Variants in PDZRN4 observed in about 807,000 individuals in gnomAD.
PDZRN4 encodes PDZ domain containing ring finger 4.
PDZRN4 carries 70 observed loss-of-function variants against 99.0 expected under a neutral mutation model. That is an observed-to-expected ratio of 0.71 (90% CI 0.58 to 0.86). The LOEUF (loss-of-function observed/expected upper bound fraction) is 0.86. PDZRN4 is among the 40% of genes least tolerant of loss of function. The probability of loss-of-function intolerance (pLI) is 0.00; values close to 1 mark genes in which losing one functional copy is unlikely to be tolerated. For missense variants in PDZRN4, 1,474 were observed against 1,331.2 expected, an observed-to-expected ratio of 1.11 and a Z score of -1.67; for synonymous variants, 551 against 501.6, an observed-to-expected ratio of 1.10 and a Z score of -1.32.
chr12:41,291,669 T>C (rs1248092764), intron 3 of PDZRN4, among the ~76,000 whole-genome samples: 1 of 152,160 alleles, frequency 6.6e-6, no homozygotes, highest in African/African-American at 2.4e-5. Context: ...GCCAGAACTA[T>C]GTGAGTCTTG....
rs1938211174 is a variant in PDZRN4 at position 41,506,637 on chromosome 12, A to G, written c.1025A>G (p.His342Arg). Reference protein sequence around the residue: ...ASTQTDITFEHIMALAKLRPP... With the variant: ...ASTQTDITFERIMALAKLRPP... ...ACTCAGACGGACATCACCTTCGAAC[A>G]CATCATGGCTCTGGCCAAGCTTCGT... The change falls in exon 4 of 10, where the codon CAC becomes CGC. Residue 342 changes from histidine (H) to arginine (R), a missense_variant. Transcript: ENST00000402685. 6.2e-7 allele frequency: 1 copy of G among 1,613,766 alleles called. No homozygotes were observed. Among genetic ancestry groups the G allele is most frequent in the Non-Finnish European group, 8.5e-7 (1 of 1,179,864 alleles).
Position 41,419,014 on chromosome 12 carries a change from C to A in PDZRN4, c.844-87442C>A, listed in dbSNP as rs191166687. Reference sequence around the variant, plus strand: ...CAGATTAAGGCTATGTAACTCCATTCAGAGATAAAGTAGGATTTTCCTGTG... The same window carrying A: ...CAGATTAAGGCTATGTAACTCCATTAAGAGATAAAGTAGGATTTTCCTGTG... On this transcript the variant is annotated intron_variant, in intron 3 of 9. Coordinates refer to ENST00000402685, the MANE Select transcript of PDZRN4 (RefSeq NM_001164595.2). Among the ~76,000 whole-genome samples, 4 of 152,278 alleles carry A rather than the reference C, an allele frequency of 2.6e-5. No individual in the cohort carries two copies. The East Asian group carries it at 7.7e-4, about 29-fold the overall frequency.
rs1355229797 is a variant in PDZRN4, at chr12:41,563,646, T to G, written c.1464T>G (p.Ile488Met). The change falls in exon 8 of 10, where the codon ATT becomes ATG. Residue 488 changes from isoleucine to methionine, a missense_variant. Physicochemically the swap from Ile to Met is conservative, Grantham distance 10. Transcript: ENST00000402685. ...TGCTGCTTGTTGCAAGGCCAGAGAT[T>G]CAGGTCAGAACAGAGATCAAAAGCC... ...RIVLLVARPE[I>M]QLDEGWLEDE... is the part of the protein sequence containing the mutation. The G allele has an allele frequency of 6.2e-7, 1 of 1,609,832 alleles. No individual in the cohort carries two copies. Among genetic ancestry groups the G allele is most frequent in the East Asian group, 2.2e-5 (1 of 44,842 alleles).
At chr12:41,266,836 T>C (rs1951280514) in intron 3 of PDZRN4, among the ~76,000 whole-genome samples, 1 of 152,266 alleles carries the variant, frequency 6.6e-6, no homozygotes, top group Non-Finnish European at 1.5e-5. Flanking sequence ...TGATGCTGTC[T>C]TTTATAATAA....
intron 5 of PDZRN4, among the ~76,000 whole-genome samples, chr12:41,541,547 G>T (rs957109629): frequency 6.6e-6 from 1 of 150,754 alleles, no homozygotes; most frequent in African/African-American, 2.4e-5. Flanking sequence ...TCCACCTCCT[G>T]GATTCACACC....
intron 3 of PDZRN4, among the ~76,000 whole-genome samples, chr12:41,475,285 AT>A (rs1244414925): frequency 1.3e-5 from 2 of 152,120 alleles, no homozygotes; most frequent in Non-Finnish European, 2.9e-5. Flanking sequence ...CAGGTATCAT[AT>A]TTCTCTTTTT....
At chr12:41,380,779 A>G (rs556799636) in intron 3 of PDZRN4, among the ~76,000 whole-genome samples, 1 of 152,122 alleles carries the variant, frequency 6.6e-6, no homozygotes, top group Admixed American at 6.6e-5. Flanking sequence ...CCATTACAGT[A>G]TTAAAGAATT....
intron 3 of PDZRN4, among the ~76,000 whole-genome samples, chr12:41,289,585 C>A (rs984465496): frequency 2.6e-5 from 4 of 152,132 alleles, no homozygotes; most frequent in African/African-American, 9.7e-5. Context: ...AATAGAGGGC[C>A]TTTTGGACCA....
chr12:41,442,990 G>A (rs1383545762), intron 3 of PDZRN4, among the ~76,000 whole-genome samples: 6 of 152,142 alleles, frequency 3.9e-5, no homozygotes, highest in African/African-American at 1.4e-4. Context: ...AGAATAACAA[G>A]TGAGGATGCA....
intron 3 of PDZRN4, among the ~76,000 whole-genome samples, chr12:41,336,467 G>A (rs1031665891): frequency 2.0e-5 from 3 of 151,210 alleles, no homozygotes; most frequent in African/African-American, 7.3e-5. Context: ...TCAACCTAAA[G>A]GAGAATTTGA....
intron 3 of PDZRN4, among the ~76,000 whole-genome samples, chr12:41,396,086 G>C (rs1010893636): frequency 3.9e-5 from 6 of 152,050 alleles, no homozygotes; most frequent in African/African-American, 1.4e-4. Context: ...ACAGCAAAAA[G>C]AACCCAGAAA....
chr12:41,317,048 G>GTATACATATATATATA (rs374645706), intron 3 of PDZRN4, among the ~76,000 whole-genome samples: 2,981 of 69,484 alleles, frequency 0.043, 379 homozygotes, highest in Middle Eastern at 0.098. Context: ...CTTACATAAA[G>GTATACATATATATATA]TATATATATA....
chr12:41,211,916 T>C (rs1347161115), intron 3 of PDZRN4, among the ~76,000 whole-genome samples: 1 of 152,026 alleles, frequency 6.6e-6, no homozygotes, highest in Admixed American at 6.6e-5. Flanking sequence ...CTTTATATGA[T>C]ACCAGGTTTC....
intron 5 of PDZRN4, among the ~76,000 whole-genome samples, chr12:41,533,794 T>G (rs1938704450): frequency 6.6e-6 from 1 of 152,162 alleles, no homozygotes; most frequent in South Asian, 2.1e-4. Flanking sequence ...CACTTATAAT[T>G]ATTTACTTAT....
chr12:41,245,500 T>C (rs1951128098), intron 3 of PDZRN4, among the ~76,000 whole-genome samples: 1 of 152,182 alleles, frequency 6.6e-6, no homozygotes, highest in Non-Finnish European at 1.5e-5. Flanking sequence ...AAAAGTTTTG[T>C]ATACACTGAA....
At chr12:41,209,768 C>G (rs1950876089) in intron 3 of PDZRN4, among the ~76,000 whole-genome samples, 1 of 148,286 alleles carries the variant, frequency 6.7e-6, no homozygotes, top group Admixed American at 6.8e-5. Flanking sequence ...TGGGTTGGTT[C>G]CAAGTCTTTG....
intron 3 of PDZRN4, among the ~76,000 whole-genome samples, chr12:41,465,891 G>GT (rs533918532): frequency 4.0e-4 from 60 of 150,970 alleles, no homozygotes; most frequent in African/African-American, 5.6e-4. Context: ...CTGTTTCAGT[G>GT]TTTTTTTTTA....
intron 8 of PDZRN4, among the ~76,000 whole-genome samples, chr12:41,566,331 A>G (rs1431769463): frequency 1.3e-5 from 2 of 152,204 alleles, no homozygotes; most frequent in Non-Finnish European, 2.9e-5. Context: ...TGTGAATAGT[A>G]AGCACTCCCC....
intron 7 of PDZRN4, among the ~76,000 whole-genome samples, chr12:41,562,015 A>G (rs532181359): frequency 2.0e-5 from 3 of 152,202 alleles, no homozygotes; most frequent in African/African-American, 7.2e-5. Flanking sequence ...AAACCGCAAC[A>G]TATCCTTCCC....
Sources: allele counts gnomAD v4.1 joint callset (sites outside exome capture counted in the v4.1 genomes callset), GRCh38; gene constraint gnomAD v4.1.1; transcripts MANE v1.5; gene names NCBI Gene and HGNC (gene_info 2026-07-23, HGNC 2026-07-21).